Variants in SESTD1 observed in about 807,000 individuals in gnomAD.
The protein encoded by SESTD1 is SEC14 and spectrin domain containing 1.
A neutral mutation model predicts 101.7 loss-of-function variants in SESTD1; 43 were observed. The observed-to-expected ratio is 0.42, with a 90% CI of 0.33 to 0.55. The LOEUF is 0.55. SESTD1 is among the 20% of genes least tolerant of loss of function. SESTD1 has a pLI of 0.07. For synonymous variants in SESTD1, 283 were observed against 286.8 expected (o/e 0.99, Z 0.13); for missense variants, 647 against 815.1 (o/e 0.79, Z 2.51).
At chr2:179,188,381 T>C (rs2046267295) in intron 2 of SESTD1, among the ~76,000 whole-genome samples, 1 of 152,136 alleles carries the variant, frequency 6.6e-6, no homozygotes. Context: ...TTGAGATAAA[T>C]GAAAACAGTG....
intron 7 of SESTD1, among the ~76,000 whole-genome samples, chr2:179,147,653 C>A (rs1268018927): frequency 6.6e-6 from 1 of 152,136 alleles, no homozygotes; most frequent in African/African-American, 2.4e-5. Flanking sequence ...AGCCACCGCG[C>A]CCAGCCTGAA....
intron 10 of SESTD1, among the ~76,000 whole-genome samples, chr2:179,127,929 C>T (rs1469465508): frequency 6.6e-6 from 1 of 152,186 alleles, no homozygotes. Context: ...ATAGTACTTA[C>T]ATATCATTAA....
rs1179796061 is a variant in SESTD1, at chr2:179,107,553, TTTAG to T, written c.*2342_*2345del. ...AAGAAACAGATATTGAGTATTGATA[TTTAG>T]TTATTGAGTATAACTAAATATCTAA... On this transcript the variant is annotated 3_prime_UTR_variant, in exon 18 of 18. Transcript: ENST00000428443. 1 of 152,150 alleles carries T rather than the reference TTTAG, an allele frequency of 6.6e-6. No individual in the cohort carries two copies. Among genetic ancestry groups the T allele is most frequent in the African/African-American group, 2.4e-5 (1 of 41,450 alleles). 9.4% of individuals were successfully genotyped at this position (152,150 alleles called of 1,614,324 possible). A position where few individuals can be genotyped will look rare whatever the true frequency, so the allele number is the denominator to read the frequency against.
chr2:179,140,900 C>T (rs2045262422), intron 9 of SESTD1, among the ~76,000 whole-genome samples: 2 of 152,178 alleles, frequency 1.3e-5, no homozygotes, highest in Non-Finnish European at 2.9e-5. Flanking sequence ...AAGAACTCTT[C>T]ACACTTTCTC....
At position 179,104,484 on chromosome 2, in the gene SESTD1, T is replaced by C. The variant is rs1331828032; in HGVS notation, c.*5415A>G. 1 of 152,110 alleles carries C rather than the reference T, an allele frequency of 6.6e-6. No individual in the cohort carries two copies. Among genetic ancestry groups the C allele is most frequent in the African/African-American group, 2.4e-5 (1 of 41,416 alleles). The allele number at this position is 152,110 out of a possible 1,614,324, so 9.4% of individuals were successfully genotyped here. On this transcript the variant is annotated 3_prime_UTR_variant, in exon 18 of 18. Transcript: ENST00000428443. ...AGAAGTGAGGCTTGGTCATAAATAG[T>C]GAGTGGTCTACTGTGTTCTGAGTGG...
chr2:179,118,178 A>G (rs1488614100), intron 13 of SESTD1, among the ~76,000 whole-genome samples: 1 of 152,160 alleles, frequency 6.6e-6, no homozygotes, highest in Non-Finnish European at 1.5e-5. Context: ...ATATTATAGT[A>G]CCTAAAATAA....
intron 1 of SESTD1, among the ~76,000 whole-genome samples, chr2:179,233,184 C>T (rs550871011): frequency 3.4e-4 from 52 of 152,260 alleles, no homozygotes; most frequent in African/African-American, 1.2e-3. Context: ...ATTTTTACTA[C>T]GTATTCTCAG....
At chr2:179,198,531 C>A (rs2046443369) in intron 1 of SESTD1, among the ~76,000 whole-genome samples, 1 of 151,970 alleles carries the variant, frequency 6.6e-6, no homozygotes, top group Non-Finnish European at 1.5e-5. Context: ...CACACCTATT[C>A]CAAAATTGAC....
chr2:179,225,431 G>A (rs917064613), intron 1 of SESTD1, among the ~76,000 whole-genome samples: 2 of 151,896 alleles, frequency 1.3e-5, no homozygotes, highest in African/African-American at 4.8e-5. Flanking sequence ...TTAAAGATAT[G>A]ACATTAAGGT....
intron 1 of SESTD1, among the ~76,000 whole-genome samples, chr2:179,256,489 G>C (rs1163671787): frequency 6.6e-6 from 1 of 152,144 alleles, no homozygotes; most frequent in East Asian, 1.9e-4. Context: ...CTGAAGATGT[G>C]ACTGAATTGC....
At chr2:179,198,075 CAG>C (rs1433131557) in intron 1 of SESTD1, among the ~76,000 whole-genome samples, 84 of 152,264 alleles carry the variant, frequency 5.5e-4, no homozygotes, top group Non-Finnish European at 1.5e-4. Flanking sequence ...ACCTCACATG[CAG>C]AGACACACAT....
At chr2:179,198,064 C>T (rs1451119766) in intron 1 of SESTD1, among the ~76,000 whole-genome samples, 2 of 152,074 alleles carry the variant, frequency 1.3e-5, no homozygotes, top group Non-Finnish European at 2.9e-5. Context: ...TCAGGAAACC[C>T]ACCTCACATG....
chr2:179,168,957 A>G (rs1559125476), intron 5 of SESTD1, among the ~76,000 whole-genome samples: 1 of 152,198 alleles, frequency 6.6e-6, no homozygotes, highest in Non-Finnish European at 1.5e-5. Flanking sequence ...CGTATACAGT[A>G]AACAGTAAGG....
chr2:179,156,133 C>T (rs774458679), intron 5 of SESTD1, among the ~76,000 whole-genome samples: 180 of 151,132 alleles, frequency 1.2e-3, no homozygotes, highest in Admixed American at 1.2e-3. Context: ...TGTGTATATA[C>T]GTATATATGT....
At chr2:179,242,211 T>C (rs1222785314) in intron 1 of SESTD1, among the ~76,000 whole-genome samples, 3 of 152,006 alleles carry the variant, frequency 2.0e-5, no homozygotes, top group African/African-American at 7.2e-5. Flanking sequence ...TACTATCCCA[T>C]TTACAATAGC....
chr2:179,167,371 G>A (rs2045853200), intron 5 of SESTD1, among the ~76,000 whole-genome samples: 1 of 151,982 alleles, frequency 6.6e-6, no homozygotes, highest in South Asian at 2.1e-4. Flanking sequence ...TAAAACAGGA[G>A]ACCAAAGAAA....
At chr2:179,187,568 A>C (rs553716470) in intron 2 of SESTD1, among the ~76,000 whole-genome samples, 1 of 152,226 alleles carries the variant, frequency 6.6e-6, no homozygotes, top group Admixed American at 6.5e-5. Context: ...CAGGAGGTCA[A>C]GGCTACAGTG....
chr2:179,121,891 G>A lies in SESTD1; in HGVS notation c.1321C>T (p.Leu441Phe). ...LQGLREKGQG[L>F]LDQISNQASW... is the part of the protein sequence containing the mutation. ...GCCTGATTGGAGATCTGATCCAGGA[G>A]ACCTTGACCTTTTTCACGCAAACCT... The change falls in exon 13 of 18, where the codon CTC becomes TTC. Residue 441 changes from leucine (L) to phenylalanine (F), a missense_variant. Leu to Phe is a conservative substitution (Grantham distance 22). Coordinates refer to ENST00000428443, the MANE Select transcript of SESTD1 (RefSeq NM_178123.5). 1 of 1,606,316 alleles carries A rather than the reference G, an allele frequency of 6.2e-7. No individual in the cohort carries two copies. Among genetic ancestry groups the A allele is most frequent in the Non-Finnish European group, 8.5e-7 (1 of 1,177,156 alleles).
chr2:179,197,654 T>A (rs1456544596), intron 1 of SESTD1, among the ~76,000 whole-genome samples: 3 of 152,274 alleles, frequency 2.0e-5, no homozygotes, highest in African/African-American at 7.2e-5. Context: ...GGGCCAATAT[T>A]CAACATTCTT....
Sources: allele counts gnomAD v4.1 joint callset (sites outside exome capture counted in the v4.1 genomes callset), GRCh38; gene constraint gnomAD v4.1.1; transcripts MANE v1.5; gene names NCBI Gene and HGNC (gene_info 2026-07-23, HGNC 2026-07-21).